Variants in EIF4G3 observed in about 807,000 individuals in gnomAD.
EIF4G3 encodes eukaryotic translation initiation factor 4 gamma 3, also known as eIF-4-gamma 3.
In EIF4G3, 34 loss-of-function variants were observed where a neutral mutation model predicts 186.4. The observed-to-expected ratio is 0.18, with a 90% CI of 0.14 to 0.24. EIF4G3 has a LOEUF of 0.24. Ranked by LOEUF, EIF4G3 falls within the 10% of genes least tolerant of loss-of-function variation. EIF4G3 has a pLI of 1.00. For synonymous variants in EIF4G3, 673 were observed against 679.5 expected, an observed-to-expected ratio of 0.99 and a Z score of 0.15; for missense variants, 1,536 against 1,948.5, an observed-to-expected ratio of 0.79 and a Z score of 3.99.
At chr1:21,131,725 T>G (rs1323740614) in intron 2 of EIF4G3, among the ~76,000 whole-genome samples, 2 of 152,182 alleles carry the variant, frequency 1.3e-5, no homozygotes, top group Non-Finnish European at 2.9e-5. Flanking sequence ...CTCACACCTG[T>G]AATCCCAGCA....
chr1:21,077,895 A>G (rs540455387), intron 3 of EIF4G3, among the ~76,000 whole-genome samples: 1 of 151,814 alleles, frequency 6.6e-6, no homozygotes, highest in Non-Finnish European at 1.5e-5. Context: ...AAAAAAAAAA[A>G]AACAACAAAA....
At chr1:20,934,397 A>C (rs2095445013) in intron 14 of EIF4G3, among the ~76,000 whole-genome samples, 1 of 152,176 alleles carries the variant, frequency 6.6e-6, no homozygotes, top group Non-Finnish European at 1.5e-5. Context: ...TGAGACAGAC[A>C]ATAAGAAGGT....
At position 20,840,159 on chromosome 1, in the gene EIF4G3, A is replaced by G. The variant is rs186584524; in HGVS notation, c.4061+697T>C. Among the ~76,000 whole-genome samples, 27 of 152,342 alleles carry G rather than the reference A, an allele frequency of 1.8e-4. No individual in the cohort carries two copies. The East Asian group carries it at 5.0e-3, about 28-fold the overall frequency. On this transcript the variant is annotated intron_variant, in intron 30 of 36. Coordinates refer to ENST00000602326, the MANE Select transcript of EIF4G3 (RefSeq NM_001391906.1). Reference sequence around the variant, plus strand: ...TACCAATGCAAATTTCACTTTAAACATTGGTTATACACCCTATGCCTGGGT... The same window carrying G: ...TACCAATGCAAATTTCACTTTAAACGTTGGTTATACACCCTATGCCTGGGT...
chr1:20,855,216 G>A (rs1018884772), intron 25 of EIF4G3, 145 bp from the exon 26 acceptor site: 1 of 593,398 alleles, frequency 1.7e-6, no homozygotes, highest in African/African-American at 1.9e-5. Context: ...AACAGAAATT[G>A]GAGCTGTTCT....
intron 7 of EIF4G3, among the ~76,000 whole-genome samples, chr1:20,995,121 C>A (rs562494213): frequency 2.0e-4 from 31 of 152,232 alleles, no homozygotes; most frequent in Admixed American, 8.5e-4. Flanking sequence ...TAAAGAAAGA[C>A]AAAATGTACC....
intron 18 of EIF4G3, among the ~76,000 whole-genome samples, chr1:20,890,130 G>A (rs2085535701): frequency 1.3e-5 from 2 of 152,018 alleles, no homozygotes; most frequent in Admixed American, 6.6e-5. Context: ...GTACCACCAC[G>A]CCTGGCTAAT....
intron 11 of EIF4G3, 42 bp from the exon 12 acceptor site, chr1:20,969,638 T>C: frequency 3.8e-6 from 6 of 1,596,702 alleles, no homozygotes; most frequent in Admixed American, 1.7e-5. Flanking sequence ...GATGAGTGTC[T>C]GTGTAGCAAA....
At chr1:21,006,933 G>A (rs938126614) in intron 4 of EIF4G3, among the ~76,000 whole-genome samples, 4 of 152,120 alleles carry the variant, frequency 2.6e-5, no homozygotes, top group African/African-American at 9.7e-5. Flanking sequence ...TAGGTTTCAG[G>A]TACTATTCTA....
chr1:20,820,001 C>T lies in EIF4G3; in HGVS notation c.4369-2463G>A, dbSNP rs529880086. On this transcript the variant is annotated intron_variant, in intron 33 of 36. Coordinates refer to ENST00000602326, the MANE Select transcript of EIF4G3 (RefSeq NM_001391906.1). ...TGCAGCAGGGAGGTGCAGCTGGGGC[C>T]GTACACTGCATGGAGCCGGTGGGAG... is the stretch of plus-strand genomic sequence containing the variant. 3.7e-3 allele frequency among the ~76,000 whole-genome samples: 563 copies of T among 152,106 alleles called. 2 individuals carry two copies. The highest frequency in any genetic ancestry group is 0.013 in the African/African-American group (537 of 41,494).
At position 21,141,494 on chromosome 1, in the gene EIF4G3, A is replaced by C. The variant is rs556482209; in HGVS notation, c.-272+34681T>G. 6.6e-5 allele frequency among the ~76,000 whole-genome samples: 10 copies of C among 152,098 alleles called. No homozygotes were observed. The South Asian group carries it at 1.5e-3, about 22-fold the overall frequency. Reference sequence around the variant, plus strand: ...TCCTACCAAGAGAAAAAAAAAAAAAAAACAAGATCCTGCTTACTTAGTAAT... The same window carrying C: ...TCCTACCAAGAGAAAAAAAAAAAAACAACAAGATCCTGCTTACTTAGTAAT... On this transcript the variant is annotated intron_variant, in intron 2 of 36. Transcript: ENST00000602326.
intron 12 of EIF4G3, among the ~76,000 whole-genome samples, chr1:20,957,334 A>G (rs1215761384): frequency 6.6e-6 from 1 of 152,216 alleles, no homozygotes; most frequent in Non-Finnish European, 1.5e-5. Flanking sequence ...AATTATCTGA[A>G]TCAAATGATA....
At chr1:21,098,558 A>AG (rs2096440371) in intron 2 of EIF4G3, among the ~76,000 whole-genome samples, 1 of 139,480 alleles carries the variant, frequency 7.2e-6, no homozygotes, top group African/African-American at 2.5e-5. Context: ...AAAAAAAAAA[A>AG]AAAAAGAAGA....
In EIF4G3 at chr1:20,858,938, G is replaced by A. The variant is rs546411428; in HGVS notation, c.3245-1441C>T. 2.7e-4 allele frequency among the ~76,000 whole-genome samples: 41 copies of A among 152,348 alleles called. 1 individual carries two copies. In the South Asian group the frequency reaches 8.5e-3, roughly 32 times the overall value. ...TTGAATCCGGGAGGCGGAGGTTGCA[G>A]TGAGCCGAGATCGCGCTACTGCACT... On this transcript the variant is annotated intron_variant, in intron 24 of 36. Coordinates refer to ENST00000602326, the MANE Select transcript of EIF4G3 (RefSeq NM_001391906.1).
At chr1:20,893,214 G>C (rs2154555762) in intron 18 of EIF4G3, 2 of 210,720 alleles carry the variant, frequency 9.5e-6, no homozygotes. Context: ...TTACAGACCT[G>C]AGCCACCATC....
chr1:21,111,861 A>C (rs1178461772), intron 2 of EIF4G3, among the ~76,000 whole-genome samples: 2 of 152,218 alleles, frequency 1.3e-5, no homozygotes, highest in African/African-American at 4.8e-5. Flanking sequence ...TATCAACTAC[A>C]GAATAATAAC....
intron 3 of EIF4G3, among the ~76,000 whole-genome samples, chr1:21,083,438 A>C (rs1415255831): frequency 2.0e-5 from 3 of 151,808 alleles, no homozygotes; most frequent in Non-Finnish European, 4.4e-5. Context: ...TTGGCATGCC[A>C]AAGTGCTAGG....
intron 36 of EIF4G3, among the ~76,000 whole-genome samples, chr1:20,807,745 CT>C (rs956986705): frequency 7.8e-6 from 1 of 127,450 alleles, no homozygotes; most frequent in Non-Finnish European, 1.6e-5. Context: ...ACAATTTGAA[CT>C]TTTTTTCTGT....
rs549444468 is a variant in EIF4G3 at position 20,822,210 on chromosome 1, T to C, written c.4368+2890A>G. On this transcript the variant is annotated intron_variant, in intron 33 of 36. Coordinates refer to ENST00000602326, the MANE Select transcript of EIF4G3 (RefSeq NM_001391906.1). ...ATTGACATAAAGATTATTCATAAAA[T>C]TTCCTCACCCACTTTTATGTATAGA... 5.9e-5 allele frequency among the ~76,000 whole-genome samples: 9 copies of C among 152,302 alleles called. No individual in the cohort carries two copies. The South Asian group carries it at 1.9e-3, about 32-fold the overall frequency.
chr1:20,807,947 T>C (rs538828115), intron 36 of EIF4G3, among the ~76,000 whole-genome samples: 61 of 150,136 alleles, frequency 4.1e-4, no homozygotes, highest in African/African-American at 1.5e-3. Flanking sequence ...CCTCAGCCTC[T>C]CAAGTACCTG....
Sources: allele counts gnomAD v4.1 joint callset (sites outside exome capture counted in the v4.1 genomes callset), GRCh38; gene constraint gnomAD v4.1.1; transcripts MANE v1.5; gene names NCBI Gene and HGNC (gene_info 2026-07-23, HGNC 2026-07-21).